MTMR10: variants seen among roughly 807,000 people sequenced by gnomAD.
MTMR10 encodes myotubularin-related protein 10.
Under a neutral mutation model 88.1 loss-of-function variants are expected in MTMR10, and 56 were observed. That is an observed-to-expected ratio of 0.64 (90% CI 0.51 to 0.79). The LOEUF is 0.79. MTMR10 is among the 30% of genes least tolerant of loss of function. MTMR10 has a pLI of 0.00. For missense variants in MTMR10, 883 were observed against 924.7 expected (o/e 0.95, Z 0.58); for synonymous variants, 380 against 340.9 (o/e 1.11, Z -1.26).
chr15:30,961,655 GGTCA>G (rs1566956087), intron 6 of MTMR10, among the ~76,000 whole-genome samples: 1 of 152,082 alleles, frequency 6.6e-6, no homozygotes, highest in Non-Finnish European at 1.5e-5. Flanking sequence ...AACGTAAACA[GGTCA>G]GTCAACATGA....
At chr15:30,966,339 G>A (rs2063471962) in intron 6 of MTMR10, among the ~76,000 whole-genome samples, 7 of 152,218 alleles carry the variant, frequency 4.6e-5, no homozygotes. Flanking sequence ...GAAGAAAAAT[G>A]TGGAAAGTAA....
At chr15:30,982,872 T>C (rs2030672779) in intron 2 of MTMR10, among the ~76,000 whole-genome samples, 1 of 152,158 alleles carries the variant, frequency 6.6e-6, no homozygotes, top group Non-Finnish European at 1.5e-5. Flanking sequence ...TGCCATGCAC[T>C]GAAACACTGT....
intron 14 of MTMR10, chr15:30,943,342 TTA>T: frequency 5.1e-6 from 5 of 985,290 alleles, no homozygotes; most frequent in Non-Finnish European, 4.8e-6. Flanking sequence ...AATAAGAATG[TTA>T]TTAAGAGAAG....
chr15:30,991,214 G>A (rs1231641664), intron 1 of MTMR10: 1 of 489,924 alleles, frequency 2.0e-6, no homozygotes, highest in African/African-American at 2.0e-5. Context: ...CAAAACTACG[G>A]ACGACAGAAC....
chr15:30,953,448 G>A (rs1484823083), intron 11 of MTMR10, 114 bp downstream of exon 11: 1 of 738,052 alleles, frequency 1.4e-6, no homozygotes, highest in South Asian at 2.0e-5. Context: ...ACTATTGGGG[G>A]AAGTTGGATG....
chr15:30,925,407 C>G, the MTMR10 span: 4 of 1,033,316 alleles, frequency 3.9e-6, no homozygotes, highest in African/African-American at 1.6e-5. Context: ...TCGGAATAAT[C>G]TAAAACTCGT....
intron 15 of MTMR10, chr15:30,942,357 G>C (rs1397382719): frequency 4.3e-6 from 2 of 466,446 alleles, no homozygotes; most frequent in Non-Finnish European, 7.6e-6. Flanking sequence ...AGACGGGCTA[G>C]AAAAAACACT....
intron 2 of MTMR10, among the ~76,000 whole-genome samples, chr15:30,980,701 T>C (rs981610929): frequency 2.6e-5 from 4 of 151,486 alleles, no homozygotes; most frequent in Non-Finnish European, 5.9e-5. Context: ...GATGAGTCTG[T>C]AGCCTCTGGT....
chr15:30,948,159 C>A, intron 13 of MTMR10, 143 bp downstream of exon 13: 2 of 682,574 alleles, frequency 2.9e-6, no homozygotes, highest in Non-Finnish European at 2.2e-6. Context: ...AATTTGAACT[C>A]TAATCCATTA....
At chr15:30,969,072 A>G (rs2063506131) in intron 5 of MTMR10, among the ~76,000 whole-genome samples, 2 of 152,134 alleles carry the variant, frequency 1.3e-5, no homozygotes, top group Non-Finnish European at 2.9e-5. Context: ...TGAGTAAGAA[A>G]AGTTAATTGT....
intron 2 of MTMR10, among the ~76,000 whole-genome samples, chr15:30,978,790 A>G (rs1344300197): frequency 6.6e-6 from 1 of 152,204 alleles, no homozygotes; most frequent in African/African-American, 2.4e-5. Context: ...CTTTCCCTAT[A>G]ATTACATACA....
chr15:30,965,149 C>T (rs2063458386), intron 6 of MTMR10, among the ~76,000 whole-genome samples: 1 of 152,148 alleles, frequency 6.6e-6, no homozygotes, highest in African/African-American at 2.4e-5. Flanking sequence ...GCTGGAACCA[C>T]CAATATTCAA....
chr15:30,955,646 A>AG (rs201943698), intron 9 of MTMR10, among the ~76,000 whole-genome samples: 1,670 of 151,580 alleles, frequency 0.011, 30 homozygotes, highest in African/African-American at 0.031. Context: ...AACACTGCCA[A>AG]GGGGGGGGCG....
the MTMR10 span, chr15:30,928,451 A>G: frequency 1.3e-6 from 2 of 1,520,676 alleles, no homozygotes; most frequent in Non-Finnish European, 1.8e-6. Flanking sequence ...TTTTCTTGAA[A>G]TTGAGTGTGC....
chr15:30,989,891 A>T (rs1348443778), intron 2 of MTMR10, among the ~76,000 whole-genome samples: 1 of 152,048 alleles, frequency 6.6e-6, no homozygotes, highest in Non-Finnish European at 1.5e-5. Context: ...GGCCGATTTC[A>T]GGTTTAAAAC....
At chr15:30,952,423 T>C (rs1276830517) in intron 11 of MTMR10, among the ~76,000 whole-genome samples, 1 of 152,238 alleles carries the variant, frequency 6.6e-6, no homozygotes, top group Non-Finnish European at 1.5e-5. Context: ...TAGAGTGCAG[T>C]GGCATATCAC....
At chr15:30,990,640 C>T in intron 2 of MTMR10, 137 bp downstream of exon 2, 1 of 718,822 alleles carries the variant, frequency 1.4e-6, no homozygotes, top group South Asian at 1.8e-5. Flanking sequence ...TCCTTTTTCT[C>T]CTCTCAGTCA....
chr15:30,958,030 C>A (rs954604506), intron 9 of MTMR10, among the ~76,000 whole-genome samples: 1 of 152,166 alleles, frequency 6.6e-6, no homozygotes, highest in Non-Finnish European at 1.5e-5. Context: ...GATGACCCCC[C>A]GGTTTCTGAG....
chr15:30,919,813 C>T, the MTMR10 span, among the ~76,000 whole-genome samples: 1 of 151,524 alleles, frequency 6.6e-6, no homozygotes, highest in Non-Finnish European at 1.5e-5. Flanking sequence ...AGGCTGAGGA[C>T]GAGGAGAGAG....
Sources: allele counts gnomAD v4.1 joint callset (sites outside exome capture counted in the v4.1 genomes callset), GRCh38; gene constraint gnomAD v4.1.1; transcripts MANE v1.5; gene names NCBI Gene and HGNC (gene_info 2026-07-23, HGNC 2026-07-21).